MCTP1: variants seen among roughly 807,000 people sequenced by gnomAD.
MCTP1 encodes multiple C2 and transmembrane domain-containing protein 1.
Under a neutral mutation model 120.6 loss-of-function variants are expected in MCTP1, and 69 were observed. The observed-to-expected ratio is 0.57, with a 90% CI of 0.47 to 0.70. The LOEUF (loss-of-function observed/expected upper bound fraction) is 0.70. Ranked by LOEUF, MCTP1 falls within the 30% of genes least tolerant of loss-of-function variation. The pLI is 0.00. For missense variants in MCTP1, 1,203 were observed against 1,248.8 expected, an observed-to-expected ratio of 0.96 and a Z score of 0.55; for synonymous variants, 529 against 493.1, an observed-to-expected ratio of 1.07 and a Z score of -0.96.
intron 1 of MCTP1, among the ~76,000 whole-genome samples, chr5:95,167,746 A>T (rs1208345070): frequency 2.0e-5 from 3 of 152,164 alleles, no homozygotes; most frequent in African/African-American, 7.2e-5. Context: ...GCCCACTTGT[A>T]GATGGGGTTG....
chr5:94,919,387 A>C (rs1204989123), intron 7 of MCTP1, among the ~76,000 whole-genome samples: 2 of 152,104 alleles, frequency 1.3e-5, no homozygotes, highest in African/African-American at 4.8e-5. Flanking sequence ...AAAATTAAAA[A>C]AAATCGATTT....
chr5:94,975,978 A>T (rs1424485295), intron 2 of MCTP1, among the ~76,000 whole-genome samples: 1 of 152,134 alleles, frequency 6.6e-6, no homozygotes, highest in Non-Finnish European at 1.5e-5. Context: ...CTGAAAACAC[A>T]TGTATAACTG....
At chr5:94,912,608 C>G (rs1809021997) in intron 9 of MCTP1, among the ~76,000 whole-genome samples, 198 bp downstream of exon 9, 1 of 151,884 alleles carries the variant, frequency 6.6e-6, no homozygotes, top group Admixed American at 6.6e-5. Context: ...GGGACATAGA[C>G]AAGTAGTTTA....
intron 2 of MCTP1, among the ~76,000 whole-genome samples, chr5:94,997,239 C>T (rs1002700306): frequency 4.6e-5 from 7 of 152,158 alleles, no homozygotes; most frequent in African/African-American, 1.7e-4. Flanking sequence ...TCCCTCTAAC[C>T]TTGTCTTATT....
intron 2 of MCTP1, among the ~76,000 whole-genome samples, chr5:94,962,720 G>A (rs1325202549): frequency 6.6e-6 from 1 of 151,916 alleles, no homozygotes; most frequent in East Asian, 1.9e-4. Context: ...GGACTCAGGG[G>A]GAAAGGCTGG....
intron 19 of MCTP1, among the ~76,000 whole-genome samples, chr5:94,769,030 T>C (rs1773463503): frequency 6.6e-6 from 1 of 152,146 alleles, no homozygotes; most frequent in Admixed American, 6.6e-5. Flanking sequence ...GTGGTACATA[T>C]GTACCCAATG....
chr5:95,059,789 G>A (rs1748449078), intron 1 of MCTP1, among the ~76,000 whole-genome samples: 1 of 152,084 alleles, frequency 6.6e-6, no homozygotes, highest in African/African-American at 2.4e-5. Context: ...GTGAGGGAAG[G>A]AGAAGCATAA....
chr5:95,239,206 T>C (rs1044120965), intron 1 of MCTP1, among the ~76,000 whole-genome samples: 1 of 152,098 alleles, frequency 6.6e-6, no homozygotes, highest in African/African-American at 2.4e-5. Context: ...CCTGGAGAAA[T>C]CTCCTGAAGA....
chr5:95,215,338 GA>G (rs1752918326), intron 1 of MCTP1, among the ~76,000 whole-genome samples: 1 of 152,170 alleles, frequency 6.6e-6, no homozygotes, highest in Non-Finnish European at 1.5e-5. Flanking sequence ...AATTATTTAA[GA>G]GGTAGCAATA....
intron 1 of MCTP1, among the ~76,000 whole-genome samples, chr5:95,224,982 G>T (rs1376882804): frequency 6.6e-6 from 1 of 152,088 alleles, no homozygotes; most frequent in Non-Finnish European, 1.5e-5. Context: ...TTCCTGAAGG[G>T]TAATAAAGAA....
intron 1 of MCTP1, among the ~76,000 whole-genome samples, chr5:95,236,125 T>C (rs979833331): frequency 2.6e-5 from 4 of 152,166 alleles, no homozygotes; most frequent in African/African-American, 7.2e-5. Context: ...TCTGAACTTA[T>C]AGATCTTTCA....
At chr5:95,122,586 G>T (rs545593888) in intron 1 of MCTP1, among the ~76,000 whole-genome samples, 1 of 152,258 alleles carries the variant, frequency 6.6e-6, no homozygotes, top group Admixed American at 6.5e-5. Context: ...TAAACAGCCT[G>T]GAGGTTCCTC....
intron 2 of MCTP1, among the ~76,000 whole-genome samples, chr5:94,985,440 A>T (rs295206): frequency 0.85 from 129,339 of 152,094 alleles, 55,239 homozygotes; most frequent in African/African-American, 0.92. Flanking sequence ...CAATGTCTAT[A>T]TGGAAGTGCA....
At chr5:94,739,673 TTTG>T (rs1765064612) in intron 19 of MCTP1, among the ~76,000 whole-genome samples, 2 of 152,210 alleles carry the variant, frequency 1.3e-5, no homozygotes. Flanking sequence ...TTGTTTGTTT[TTTG>T]TTGTTTGAGA....
intron 19 of MCTP1, among the ~76,000 whole-genome samples, chr5:94,725,407 G>A (rs1761907072): frequency 6.6e-6 from 1 of 152,198 alleles, no homozygotes; most frequent in Admixed American, 6.5e-5. Context: ...AAGCTTGAGT[G>A]AGCTCAGAAA....
chr5:94,829,642 A>G (rs1042404842), intron 17 of MCTP1, among the ~76,000 whole-genome samples: 13 of 152,252 alleles, frequency 8.5e-5, no homozygotes, highest in South Asian at 2.1e-4. Flanking sequence ...ACATGGGGGA[A>G]AGGAAAAATA....
At chr5:95,153,285 C>T (rs958452771) in intron 1 of MCTP1, among the ~76,000 whole-genome samples, 3 of 152,168 alleles carry the variant, frequency 2.0e-5, no homozygotes, top group African/African-American at 7.2e-5. Flanking sequence ...CCCTTTCGCC[C>T]TCCTCCATGA....
At chr5:94,850,005 G>C (rs572514156) in intron 17 of MCTP1, among the ~76,000 whole-genome samples, 1 of 152,242 alleles carries the variant, frequency 6.6e-6, no homozygotes, top group South Asian at 2.1e-4. Flanking sequence ...ATCCGAGATG[G>C]TAACAGCATG....
intron 19 of MCTP1, among the ~76,000 whole-genome samples, chr5:94,721,384 T>C (rs1229980114): frequency 6.6e-6 from 1 of 152,210 alleles, no homozygotes; most frequent in Non-Finnish European, 1.5e-5. Flanking sequence ...TGCTGATGTA[T>C]GATTATTGGC....
Sources: gnomAD v4.1 joint callset for allele counts (sites outside exome capture counted in the v4.1 genomes callset) on GRCh38, gnomAD v4.1.1 for gene constraint, MANE v1.5 for transcripts, NCBI Gene and HGNC (gene_info 2026-07-23, HGNC 2026-07-21) for gene names.